The following KIF19 variants were observed in gnomAD, a reference collection of about 807,000 sequenced individuals.
KIF19 encodes kinesin family member 19.
Under a neutral mutation model 106.6 loss-of-function variants are expected in KIF19, and 98 were observed. The ratio of observed to expected loss-of-function variants is 0.92; its 90% confidence interval spans 0.78 to 1.09. KIF19 has a LOEUF of 1.09. KIF19 is among the 50% of genes least tolerant of loss of function. The pLI, the probability that KIF19 is intolerant of heterozygous loss-of-function variation, is 0.00. For missense variants in KIF19, 1,373 were observed against 1,414.3 expected (o/e 0.97, Z 0.47); for synonymous variants, 516 against 584.2 (o/e 0.88, Z 1.68).
At chr17:74,343,629 A>C (rs761880708) in intron 5 of KIF19, among the ~76,000 whole-genome samples, 1 of 152,248 alleles carries the variant, frequency 6.6e-6, no homozygotes, top group Non-Finnish European at 1.5e-5. Context: ...GGGGAAGCAC[A>C]CAGAGTCCAG....
rs753897428 is a variant in KIF19, at chr17:74,350,730, G to C, written c.1412G>C (p.Arg471Pro). ...AGCTGGAAGCATGAGAAGTCCCGCC[G>C]GGCCCTCAAATGGCGGGAGGAGCAG... ...IAGWKHEKSR[R>P]ALKWREEQRK... Residue 471 changes from arginine to proline, a missense_variant, in exon 12 of 20, where the codon CGG (arginine) becomes CCG (proline). Arg to Pro is a moderately radical substitution (Grantham distance 103). Transcript: ENST00000389916. 1.2e-6 allele frequency: 2 copies of C among 1,613,884 alleles called. No individual in the cohort carries two copies. The highest frequency in any genetic ancestry group is 1.7e-6 in the Non-Finnish European group (2 of 1,179,884).
In KIF19 at chr17:74,341,944, G is replaced by T. The variant is rs777276543; in HGVS notation, c.189G>T (p.Lys63Asn). Residue 63 changes from lysine to asparagine, a missense_variant, in exon 3 of 20, where the codon AAG (lysine) becomes AAT (asparagine). Lys to Asn is a moderately conservative substitution (Grantham distance 94). This residue lies in a region of KIF19 where 348 missense variants were observed against 389.5 expected (regional missense o/e 0.89). Coordinates refer to ENST00000389916, the MANE Select transcript of KIF19 (RefSeq NM_153209.4). ...DILRAHRSRE[K>N]SYLFDVAFDF... ...TGCGGGCGCATCGCTCCCGGGAGAA[G>T]TCCTACCTGTTCGACGTGGCCTTTG... 3.1e-6 allele frequency: 5 copies of T among 1,613,520 alleles called. No homozygotes were observed. In the African/African-American group the frequency reaches 6.7e-5, roughly 22 times the overall value.
At position 74,349,205 on chromosome 17, in the gene KIF19, G is replaced by C. The variant is rs771816123; in HGVS notation, c.1069G>C (p.Val357Leu). ...GCAGGTGAAGCAGAACCTCCTGAAC[G>C]TCTCCTACCACATCGCCCAGTACAC... ...KTRVKQNLLN[V>L]SYHIAQYTSI... The change falls in exon 10 of 20, where the codon GTC (valine) becomes CTC (leucine). Residue 357 changes from valine (V) to leucine (L), a missense_variant. Coordinates refer to ENST00000389916, the MANE Select transcript of KIF19 (RefSeq NM_153209.4). 1 of 1,613,806 alleles carries C rather than the reference G, an allele frequency of 6.2e-7. No homozygotes were observed. Among genetic ancestry groups the C allele is most frequent in the East Asian group, 2.2e-5 (1 of 44,882 alleles).
intron 2 of KIF19, 195 bp downstream of exon 2, chr17:74,328,700 T>A (rs746776632): frequency 1.8e-5 from 10 of 543,484 alleles, no homozygotes; most frequent in Non-Finnish European, 2.6e-5. Context: ...CCTAGATTGA[T>A]CCAAGGACAA....
intron 12 of KIF19, 58 bp from the exon 13 acceptor site, chr17:74,351,809 G>C: frequency 2.2e-6 from 3 of 1,365,476 alleles, no homozygotes; most frequent in Non-Finnish European, 2.8e-6. Flanking sequence ...AGGACGAGCT[G>C]GGCAGGCGGA....
rs1232958730 is a variant in KIF19, at chr17:74,347,821, C to A, written c.969C>A (p.Ile323=). The stretch of plus-strand genomic sequence containing the variant: ...GCCGCACAGTGATGATCGCTCACAT[C>A]AGTCCTGCGAGCAGTGCCTTCGAGG... ...GNSRTVMIAH[I]SPASSAFEES... The change falls in exon 9 of 20, where the codon ATC becomes ATA. Residue 323 remains isoleucine, a synonymous_variant. Coordinates refer to ENST00000389916, the MANE Select transcript of KIF19 (RefSeq NM_153209.4). 3 of 1,587,660 alleles carry A rather than the reference C, an allele frequency of 1.9e-6. No individual in the cohort carries two copies. Among genetic ancestry groups the A allele is most frequent in the Non-Finnish European group, 2.6e-6 (3 of 1,167,534 alleles).
intron 13 of KIF19, 21 bp from the exon 14 acceptor site, chr17:74,352,198 G>A: frequency 6.2e-7 from 1 of 1,605,858 alleles, no homozygotes; most frequent in Non-Finnish European, 8.5e-7. Flanking sequence ...CACTCACTGA[G>A]CCCTGCCCCT....
chr17:74,344,314 G>C lies in KIF19; in HGVS notation c.548G>C (p.Gly183Ala). 1 of 1,612,704 alleles carries C rather than the reference G, an allele frequency of 6.2e-7. No homozygotes were observed. The highest frequency in any genetic ancestry group is 8.5e-7 in the Non-Finnish European group (1 of 1,179,758). ...EDSKGVIQVA[G>A]ITEVSTINAK... The stretch of plus-strand genomic sequence containing the variant: ...TCTAAGGGGGTGATCCAGGTGGCCG[G>C]CATCACCGAAGTCTCCACCATCAAT... Residue 183 changes from glycine (G) to alanine (A), a missense_variant, in exon 6 of 20, where the codon GGC becomes GCC. By Grantham distance (60) the Gly-to-Ala change is moderately conservative. This residue lies in a region of KIF19 where 348 missense variants were observed against 389.5 expected (regional missense o/e 0.89). Coordinates refer to ENST00000389916, the MANE Select transcript of KIF19 (RefSeq NM_153209.4).
chr17:74,349,153 A>G (rs770600482), intron 9 of KIF19, 31 bp from the exon 10 acceptor site: 1 of 1,612,936 alleles, frequency 6.2e-7, no homozygotes, highest in South Asian at 1.1e-5. Flanking sequence ...GGGTGACTGC[A>G]TCCCCTCCGC....
intron 5 of KIF19, among the ~76,000 whole-genome samples, chr17:74,343,702 C>T (rs2054448270): frequency 6.6e-6 from 1 of 152,192 alleles, no homozygotes; most frequent in Admixed American, 6.5e-5. Flanking sequence ...TGGGTGACAT[C>T]TTAAGGAGGC....
At chr17:74,351,116 G>A (rs2054689554) in intron 12 of KIF19, 2 of 587,056 alleles carry the variant, frequency 3.4e-6, no homozygotes, top group East Asian at 2.9e-5. Flanking sequence ...CAGCCCTCAT[G>A]GGGTTGCTGG....
intron 10 of KIF19, 95 bp downstream of exon 10, chr17:74,349,444 C>T (rs889499749): frequency 6.1e-6 from 8 of 1,306,370 alleles, no homozygotes; most frequent in African/African-American, 3.0e-5. Flanking sequence ...CAGAATCGGG[C>T]TCTTTCTGGC....
chr17:74,345,140 G>A (rs1488229277), intron 7 of KIF19, among the ~76,000 whole-genome samples, 185 bp downstream of exon 7: 1 of 152,192 alleles, frequency 6.6e-6, no homozygotes, highest in African/African-American at 2.4e-5. Flanking sequence ...GTCGCAGCGA[G>A]GTGGAGGGGA....
rs2054526324 is a variant in KIF19 at position 74,346,234 on chromosome 17, A to G, written c.778-144A>G. 1 of 835,126 alleles carries G rather than the reference A, an allele frequency of 1.2e-6. No homozygotes were observed. The highest frequency in any genetic ancestry group is 1.7e-5 in the African/African-American group (1 of 58,098). The allele number at this position is 835,126 out of a possible 1,614,324, so 51.7% of individuals were successfully genotyped here. A position where few individuals can be genotyped will look rare whatever the true frequency, so the allele number is the denominator to read the frequency against. Reference sequence around the variant, plus strand: ...TCTCTTAACCTTCTCCAATGCCCTCAGTGGCCTTGGCAGGAGGACGGCCAC... The same window carrying G: ...TCTCTTAACCTTCTCCAATGCCCTCGGTGGCCTTGGCAGGAGGACGGCCAC... On this transcript the variant is annotated intron_variant, in intron 7 of 19. Coordinates refer to ENST00000389916, the MANE Select transcript of KIF19 (RefSeq NM_153209.4). The surrounding 1 kb of genome is among the most constrained non-coding windows in gnomAD (Gnocchi z 4.6).
rs1478141619 is a variant in KIF19, at chr17:74,331,508, C to T, written c.120+3003C>T. Among the ~76,000 whole-genome samples the T allele has an allele frequency of 6.6e-6, 1 of 152,020 alleles. No homozygotes were observed. Among genetic ancestry groups the T allele is most frequent in the Non-Finnish European group, 1.5e-5 (1 of 68,020 alleles). ...GGCTTGGCAGAAGGGGACATTCCCA[C>T]AGGCGGAGAGTCCTCTGGGACAGGA... On this transcript the variant is annotated intron_variant, in intron 2 of 19. Coordinates refer to ENST00000389916, the MANE Select transcript of KIF19 (RefSeq NM_153209.4). This position sits in a 1 kb window ranked among gnomAD's most constrained non-coding sequence, Gnocchi z 4.1.
Position 74,352,859 on chromosome 17 carries a change from ACTGACCCCAGATT to A in KIF19, c.2026_2038del (p.Pro676TrpfsTer4). The A allele has an allele frequency of 6.2e-7, 1 of 1,613,926 alleles. No homozygotes were observed. Among genetic ancestry groups the A allele is most frequent in the Non-Finnish European group, 8.5e-7 (1 of 1,179,858 alleles). ...CCAAAATTACCCCAGCAGGAACCTC[ACTGACCCCAGATT>A]CTGACCTGGAGAGTGTGAAGACATT... On this transcript the variant is annotated frameshift_variant, in exon 15 of 20. Transcript: ENST00000389916. LOFTEE classifies it high-confidence loss of function.
chr17:74,355,508 G>A lies in KIF19; in HGVS notation c.*196G>A, dbSNP rs1598404109. The A allele has an allele frequency of 1.0e-5, 7 of 698,278 alleles. No individual in the cohort carries two copies. Among genetic ancestry groups the A allele is most frequent in the Non-Finnish European group, 1.6e-5 (7 of 444,614 alleles). The allele number at this position is 698,278 out of a possible 1,614,324, so 43.3% of individuals were successfully genotyped here. A position where few individuals can be genotyped will look rare whatever the true frequency, so the allele number is the denominator to read the frequency against. ...CTTTCAGTGCCACTGGGGAAAAGAG[G>A]TGAGGCCAGGGGACATGGCCAGGAC... On this transcript the variant is annotated 3_prime_UTR_variant, in exon 20 of 20. Coordinates refer to ENST00000389916, the MANE Select transcript of KIF19 (RefSeq NM_153209.4).
chr17:74,343,384 C>T (rs560641870), intron 5 of KIF19, among the ~76,000 whole-genome samples: 1 of 152,242 alleles, frequency 6.6e-6, no homozygotes, highest in Non-Finnish European at 1.5e-5. Flanking sequence ...GCTTCAAGGC[C>T]AAGCTCCGCC....
intron 15 of KIF19, 107 bp from the exon 16 acceptor site, chr17:74,353,089 C>G: frequency 7.2e-7 from 1 of 1,398,002 alleles, no homozygotes; most frequent in Non-Finnish European, 9.9e-7. Flanking sequence ...GCCAGGACTC[C>G]TGGGTTCTCT....
Sources: allele counts gnomAD v4.1 joint callset (sites outside exome capture counted in the v4.1 genomes callset), GRCh38; gene constraint gnomAD v4.1.1; regional missense constraint gnomAD v4.1.1; non-coding constraint Gnocchi (gnomAD v3.1); transcripts MANE v1.5; gene names NCBI Gene and HGNC (gene_info 2026-07-23, HGNC 2026-07-21).